SGCZ: variants seen among roughly 807,000 people sequenced by gnomAD.
The protein encoded by SGCZ is zeta-sarcoglycan.
A neutral mutation model predicts 41.3 loss-of-function variants in SGCZ; 40 were observed. The ratio of observed to expected loss-of-function variants is 0.97; its 90% confidence interval spans 0.75 to 1.26. SGCZ has a LOEUF of 1.26. SGCZ is among the 50% of genes most tolerant of loss of function. SGCZ has a pLI of 0.00. For missense variants in SGCZ, 552 were observed against 369.8 expected (o/e 1.49, Z -4.04); for synonymous variants, 206 against 137.5 (o/e 1.50, Z -3.49).
intron 1 of SGCZ, among the ~76,000 whole-genome samples, chr8:14,981,614 G>C (rs190452170): frequency 7.2e-5 from 11 of 152,212 alleles, no homozygotes; most frequent in African/African-American, 2.4e-4. Context: ...TTAAATCCAA[G>C]TGGCTTTTTG....
intron 1 of SGCZ, among the ~76,000 whole-genome samples, chr8:14,680,963 G>GAA (rs374278969): frequency 0.027 from 2,857 of 106,100 alleles, 189 homozygotes; most frequent in African/African-American, 0.04. Flanking sequence ...AAAAAGAGTG[G>GAA]GAAAAAAAAA....
intron 5 of SGCZ, among the ~76,000 whole-genome samples, chr8:14,133,678 G>C (rs1167885194): frequency 2.0e-5 from 3 of 151,898 alleles, no homozygotes; most frequent in Non-Finnish European, 1.5e-5. Context: ...TTTTTAATCA[G>C]TGTTTACTTG....
At chr8:14,373,583 T>C (rs1408619729) in intron 2 of SGCZ, among the ~76,000 whole-genome samples, 1 of 152,052 alleles carries the variant, frequency 6.6e-6, no homozygotes, top group East Asian at 1.9e-4. Context: ...AAACAAAGTA[T>C]AGTACCCTAA....
At chr8:14,293,727 C>G (rs1800921316) in intron 3 of SGCZ, among the ~76,000 whole-genome samples, 1 of 151,738 alleles carries the variant, frequency 6.6e-6, no homozygotes, top group African/African-American at 2.4e-5. Flanking sequence ...AATTATTGAT[C>G]TGAGATGTAG....
chr8:14,754,117 T>C (rs1799584480), intron 1 of SGCZ, among the ~76,000 whole-genome samples: 1 of 152,194 alleles, frequency 6.6e-6, no homozygotes, highest in Admixed American at 6.5e-5. Context: ...CAAATTTGAC[T>C]TTCAGCTTGT....
chr8:14,726,552 T>C (rs1023659845), intron 1 of SGCZ, among the ~76,000 whole-genome samples: 11 of 151,772 alleles, frequency 7.2e-5, no homozygotes, highest in African/African-American at 1.4e-4. Context: ...CAGGAAAATA[T>C]AGCAATTATG....
chr8:14,602,839 A>G (rs964632933), intron 1 of SGCZ, among the ~76,000 whole-genome samples: 1 of 152,206 alleles, frequency 6.6e-6, no homozygotes, highest in African/African-American at 2.4e-5. Flanking sequence ...CTCAGCTGAA[A>G]GGACTGTGCT....
intron 1 of SGCZ, among the ~76,000 whole-genome samples, chr8:14,907,985 T>C (rs75605176): frequency 0.013 from 1,998 of 152,298 alleles, 32 homozygotes; most frequent in East Asian, 0.065. Context: ...AAAAATTACA[T>C]ATTAGGTTGA....
At chr8:14,742,520 A>G (rs1483935088) in intron 1 of SGCZ, among the ~76,000 whole-genome samples, 1 of 152,102 alleles carries the variant, frequency 6.6e-6, no homozygotes, top group Non-Finnish European at 1.5e-5. Context: ...CCCTCTTTAC[A>G]ATATAGGAAA....
At chr8:14,940,701 AAAACAAC>A (rs1041891059) in intron 1 of SGCZ, among the ~76,000 whole-genome samples, 6 of 152,066 alleles carry the variant, frequency 3.9e-5, no homozygotes, top group Non-Finnish European at 8.8e-5. Flanking sequence ...GGTAAAGGAA[AAAACAAC>A]AACAGGTAAG....
At chr8:14,473,807 G>T (rs1457092903) in intron 2 of SGCZ, among the ~76,000 whole-genome samples, 1 of 151,780 alleles carries the variant, frequency 6.6e-6, no homozygotes. Context: ...GCGTGGTGGC[G>T]GGCACGCGTA....
intron 7 of SGCZ, among the ~76,000 whole-genome samples, chr8:14,094,947 T>C (rs553386007): frequency 5.2e-4 from 79 of 150,606 alleles, no homozygotes; most frequent in African/African-American, 1.9e-3. Flanking sequence ...TGGACAAGTG[T>C]CTGTTCATAT....
intron 1 of SGCZ, among the ~76,000 whole-genome samples, chr8:14,628,791 T>A (rs1407354642): frequency 6.6e-6 from 1 of 152,142 alleles, no homozygotes; most frequent in Non-Finnish European, 1.5e-5. Flanking sequence ...CCTGTAAATA[T>A]GCAAACTTCT....
At chr8:14,637,316 T>C (rs1237024876) in intron 1 of SGCZ, among the ~76,000 whole-genome samples, 1 of 151,826 alleles carries the variant, frequency 6.6e-6, no homozygotes, top group African/African-American at 2.4e-5. Flanking sequence ...TTTCATTTTT[T>C]TTTTTAATTT....
At chr8:14,759,663 T>C (rs906394065) in intron 1 of SGCZ, among the ~76,000 whole-genome samples, 11 of 152,270 alleles carry the variant, frequency 7.2e-5, no homozygotes, top group Non-Finnish European at 1.2e-4. Flanking sequence ...GCCATGACAG[T>C]ATTTCAGCTC....
At chr8:14,194,198 A>T (rs1228016175) in intron 4 of SGCZ, among the ~76,000 whole-genome samples, 1 of 151,958 alleles carries the variant, frequency 6.6e-6, no homozygotes, top group Non-Finnish European at 1.5e-5. Flanking sequence ...ATATTATCTT[A>T]GACTGTATAG....
At position 14,885,466 on chromosome 8, in the gene SGCZ, C is replaced by A. The variant is rs192526308; in HGVS notation, c.40-330540G>T. 2.5e-3 allele frequency among the ~76,000 whole-genome samples: 382 copies of A among 152,162 alleles called. 3 individuals carry two copies. The highest frequency in any genetic ancestry group is 8.9e-3 in the African/African-American group (370 of 41,524). ...AAACATGTAATTAATTGGGTTGGAT[C>A]CTTCTTTGATTGAAAAATTCTCAAA... On this transcript the variant is annotated intron_variant, in intron 1 of 7. Transcript: ENST00000382080.
chr8:14,905,648 T>C (rs960699354), intron 1 of SGCZ, among the ~76,000 whole-genome samples: 2 of 152,080 alleles, frequency 1.3e-5, no homozygotes, highest in Non-Finnish European at 2.9e-5. Context: ...GTGTTTATCA[T>C]AGTGTCAAAT....
At chr8:14,918,449 A>G (rs1044718755) in intron 1 of SGCZ, among the ~76,000 whole-genome samples, 8 of 152,194 alleles carry the variant, frequency 5.3e-5, no homozygotes, top group South Asian at 4.1e-4. Context: ...TCGGTTTTAA[A>G]CAAATTTTAC....
Sources: gnomAD v4.1 joint callset for allele counts (sites outside exome capture counted in the v4.1 genomes callset) on GRCh38, gnomAD v4.1.1 for gene constraint, MANE v1.5 for transcripts, NCBI Gene and HGNC (gene_info 2026-07-23, HGNC 2026-07-21) for gene names.